Variants in MCTP2 observed in about 807,000 individuals in gnomAD.
The protein encoded by MCTP2 is multiple C2 and transmembrane domain-containing protein 2.
MCTP2 carries 132 observed loss-of-function variants against 111.6 expected under a neutral mutation model. The observed-to-expected ratio is 1.18, with a 90% CI of 1.03 to 1.37. The LOEUF (loss-of-function observed/expected upper bound fraction) is 1.37. Among genes scored for constraint, MCTP2 ranks in the 40% most tolerant of loss-of-function variants. The probability of loss-of-function intolerance (pLI) is 0.00; values close to 1 mark genes in which losing one functional copy is unlikely to be tolerated. For missense variants in MCTP2, 1,183 were observed against 1,067.9 expected (o/e 1.11, Z -1.50); for synonymous variants, 395 against 387.7 (o/e 1.02, Z -0.22).
chr15:94,248,736 T>G (rs1361453215), intron 1 of MCTP2, among the ~76,000 whole-genome samples: 6 of 152,202 alleles, frequency 3.9e-5, no homozygotes, highest in Non-Finnish European at 7.4e-5. Context: ...TTGAATTGTT[T>G]GGTGAACAAT....
intron 21 of MCTP2, among the ~76,000 whole-genome samples, chr15:94,472,804 G>C (rs1033326932): frequency 2.0e-5 from 3 of 152,156 alleles, no homozygotes; most frequent in African/African-American, 7.2e-5. Context: ...AATATATTCT[G>C]TAATTCTGTT....
intron 11 of MCTP2, 115 bp downstream of exon 11, chr15:94,367,906 C>T: frequency 1.1e-6 from 1 of 912,246 alleles, no homozygotes. Flanking sequence ...AGATCTTTGT[C>T]CCAAGTTTCC....
intron 14 of MCTP2, among the ~76,000 whole-genome samples, chr15:94,395,417 G>C (rs1253688453): frequency 1.3e-5 from 2 of 152,180 alleles, no homozygotes; most frequent in Non-Finnish European, 2.9e-5. Flanking sequence ...TAAAGCCATT[G>C]ATGGTTTTAT....
chr15:94,441,746 A>G (rs114163721), intron 18 of MCTP2, among the ~76,000 whole-genome samples: 39 of 152,372 alleles, frequency 2.6e-4, no homozygotes, highest in African/African-American at 9.4e-4. Context: ...TCACAAAGCA[A>G]AAACTACTGG....
chr15:94,342,148 TA>T (rs2077678752), intron 7 of MCTP2: 1 of 152,126 alleles, frequency 6.6e-6, no homozygotes, highest in Non-Finnish European at 1.5e-5. Flanking sequence ...CTTGTAAAGG[TA>T]GTTGATTTCT....
intron 1 of MCTP2, among the ~76,000 whole-genome samples, chr15:94,267,389 A>C (rs1407636856): frequency 6.6e-6 from 1 of 152,188 alleles, no homozygotes; most frequent in Non-Finnish European, 1.5e-5. Context: ...TGTGTATTAG[A>C]AGTACATTTC....
chr15:94,468,689 C>T (rs763825501), intron 20 of MCTP2, among the ~76,000 whole-genome samples: 1 of 152,146 alleles, frequency 6.6e-6, no homozygotes, highest in Non-Finnish European at 1.5e-5. Context: ...GGCTGGAGTG[C>T]AGTGATGCAA....
chr15:94,325,960 C>G (rs1246182802), intron 4 of MCTP2, among the ~76,000 whole-genome samples: 3 of 151,666 alleles, frequency 2.0e-5, no homozygotes, highest in African/African-American at 7.3e-5. Context: ...GCTGGGATTA[C>G]AGGCATGCGC....
chr15:94,295,203 G>A (rs1203515554), intron 1 of MCTP2, among the ~76,000 whole-genome samples: 1 of 150,984 alleles, frequency 6.6e-6, no homozygotes, highest in Non-Finnish European at 1.5e-5. Context: ...ACCCGCCTTG[G>A]CCTCCCAAAG....
chr15:94,347,829 G>C (rs1039995335), intron 8 of MCTP2, among the ~76,000 whole-genome samples: 2 of 151,880 alleles, frequency 1.3e-5, no homozygotes, highest in Middle Eastern at 6.3e-3. Context: ...ATAAAAAATG[G>C]CTTTGACAAA....
intron 20 of MCTP2, among the ~76,000 whole-genome samples, chr15:94,462,006 G>T (rs928376775): frequency 1.3e-5 from 2 of 152,194 alleles, no homozygotes; most frequent in Admixed American, 1.3e-4. Flanking sequence ...GTGAAGGAAA[G>T]CCTTTAGTAG....
intron 11 of MCTP2, among the ~76,000 whole-genome samples, chr15:94,368,320 G>A (rs981838471): frequency 7.9e-5 from 12 of 152,150 alleles, no homozygotes; most frequent in African/African-American, 2.7e-4. Flanking sequence ...GTTGCAATGA[G>A]CTTAACAGTC....
chr15:94,476,570 GAAGA>G (rs559502410), intron 21 of MCTP2, 122 bp from the exon 22 acceptor site: 108 of 590,194 alleles, frequency 1.8e-4, no homozygotes, highest in Middle Eastern at 1.1e-3. Context: ...GCGAGTTTTT[GAAGA>G]TAGATGCTAG....
At chr15:94,453,906 A>T (rs560632679) in intron 19 of MCTP2, among the ~76,000 whole-genome samples, 1 of 152,246 alleles carries the variant, frequency 6.6e-6, no homozygotes. Flanking sequence ...TAATGCATAC[A>T]GCTAAAAATG....
At chr15:94,433,248 G>T (rs1289702243) in intron 17 of MCTP2, among the ~76,000 whole-genome samples, 1 of 152,136 alleles carries the variant, frequency 6.6e-6, no homozygotes, top group Non-Finnish European at 1.5e-5. Context: ...GATTTAGCAT[G>T]TATACATTTT....
chr15:94,369,404 C>T (rs1388739099), intron 11 of MCTP2, among the ~76,000 whole-genome samples: 1 of 152,072 alleles, frequency 6.6e-6, no homozygotes, highest in East Asian at 1.9e-4. Flanking sequence ...GTTTATCTGC[C>T]GGCCTCTTTC....
rs74898510 is a variant in MCTP2, at chr15:94,400,009, G to A, written c.1965+14G>A. On this transcript the variant is annotated intron_variant, in intron 16 of 22. Transcript: ENST00000357742. ...CTGTCCAAAAAGGTGGGTCGCTACA[G>A]TAGGTGGCTTGTTGATTGGTACACT... 2.6e-3 allele frequency: 4,161 copies of A among 1,613,104 alleles called. 65 individuals are homozygous for A. In the African/African-American group the frequency reaches 0.042, roughly 16 times the overall value.
chr15:94,342,760 A>T (rs1293917767), intron 7 of MCTP2: 2 of 151,086 alleles, frequency 1.3e-5, no homozygotes, highest in African/African-American at 4.9e-5. Flanking sequence ...ACACATATAT[A>T]TCTCCATATA....
chr15:94,422,634 A>G (rs1271387354), intron 17 of MCTP2, among the ~76,000 whole-genome samples: 1 of 152,086 alleles, frequency 6.6e-6, no homozygotes, highest in East Asian at 1.9e-4. Context: ...TTAGAAATCC[A>G]TTCTCATTTC....
Sources: gnomAD v4.1 joint callset for allele counts (sites outside exome capture counted in the v4.1 genomes callset) on GRCh38, gnomAD v4.1.1 for gene constraint, MANE v1.5 for transcripts, NCBI Gene and HGNC (gene_info 2026-07-23, HGNC 2026-07-21) for gene names.